The following ESYT1 variants were observed in gnomAD, a reference collection of about 807,000 sequenced individuals.
The protein encoded by ESYT1 is extended synaptotagmin 1.
In ESYT1, 116 loss-of-function variants were observed where a neutral mutation model predicts 154.2. The observed-to-expected ratio is 0.75, with a 90% CI of 0.65 to 0.88. ESYT1 has a LOEUF of 0.88. Ranked by LOEUF, ESYT1 falls within the 40% of genes least tolerant of loss-of-function variation. ESYT1 has a pLI of 0.00. For missense variants in ESYT1, 1,264 were observed against 1,379.3 expected, an observed-to-expected ratio of 0.92 and a Z score of 1.32; for synonymous variants, 500 against 539.9, an observed-to-expected ratio of 0.93 and a Z score of 1.02.
chr12:56,132,096 C>G, intron 7 of ESYT1, 113 bp from the exon 8 acceptor site: 1 of 1,528,220 alleles, frequency 6.5e-7, no homozygotes, highest in South Asian at 1.2e-5. Flanking sequence ...AGGATTTTCA[C>G]AAAAGGACTT....
At chr12:56,131,154 GT>G in intron 4 of ESYT1, 41 bp downstream of exon 4, 1 of 1,612,940 alleles carries the variant, frequency 6.2e-7, no homozygotes, top group Non-Finnish European at 8.5e-7. Context: ...CCTTCAATGT[GT>G]CCTGTTCAGT....
In ESYT1 at chr12:56,143,968, T is replaced by C; in HGVS notation, c.*106T>C. 1 of 1,596,072 alleles carries C rather than the reference T, an allele frequency of 6.3e-7. No individual in the cohort carries two copies. The highest frequency in any genetic ancestry group is 8.5e-7 in the Non-Finnish European group (1 of 1,174,820). On this transcript the variant is annotated 3_prime_UTR_variant, in exon 31 of 31. Transcript: ENST00000394048. ...AGCTAGGGTCCAAGGGCAGAGCCTG[T>C]GCCCTTCAGCCCTTTCACCTAACAG... is the stretch of plus-strand genomic sequence containing the variant.
chr12:56,138,044 C>A lies in ESYT1; in HGVS notation c.2217C>A (p.Thr739=), dbSNP rs1420045347. Residue 739 remains threonine, a synonymous_variant, in exon 20 of 31, where the codon ACC becomes ACA. Transcript: ENST00000394048. ...DFLGRCKVRL[T]TVLNSGFLDE... is the part of the protein sequence containing the mutation. ...TCAACAGGTGTAAAGTGCGTCTCAC[C>A]ACAGTCTTAAACAGTGGCTTCCTTG... 6.2e-7 allele frequency: 1 copy of A among 1,614,180 alleles called. No individual in the cohort carries two copies. The highest frequency in any genetic ancestry group is 2.2e-5 in the East Asian group (1 of 44,884).
At chr12:56,138,561 G>C (rs1401570355) in intron 22 of ESYT1, 62 bp downstream of exon 22, 19 of 1,464,226 alleles carry the variant, frequency 1.3e-5, no homozygotes, top group Non-Finnish European at 1.7e-5. Context: ...CCTCCGGTTT[G>C]GATGGTCCTG....
rs779858650 is a variant in ESYT1, at chr12:56,137,509, G to A, written c.1949G>A (p.Arg650Gln). ...CCGTCCCTTTTGCAGCATGTGCTTC[G>A]GATCCATGTATTAGAGGCCCAGGAC... ...DSQFGTEHVLRIHVLEAQDLI... is the reference protein window; with the variant it reads ...DSQFGTEHVLQIHVLEAQDLI... Residue 650 changes from arginine to glutamine, a missense_variant, in exon 18 of 31, where the codon CGG (arginine) becomes CAG (glutamine). Physicochemically the swap from Arg to Gln is conservative, Grantham distance 43 (BLOSUM62 1). Transcript: ENST00000394048. 43 of 1,612,718 alleles carry A rather than the reference G, an allele frequency of 2.7e-5. No homozygotes were observed. Among genetic ancestry groups the A allele is most frequent in the Middle Eastern group, 1.6e-4 (1 of 6,078 alleles).
chr12:56,137,017 C>A, intron 16 of ESYT1, 124 bp downstream of exon 16: 1 of 1,337,162 alleles, frequency 7.5e-7, no homozygotes, highest in Non-Finnish European at 1.0e-6. Context: ...GCCAAGCAGG[C>A]ACAAAAACAT....
chr12:56,131,931 C>A, intron 7 of ESYT1, 127 bp downstream of exon 7: 1 of 1,067,690 alleles, frequency 9.4e-7, no homozygotes, highest in Non-Finnish European at 1.4e-6. Flanking sequence ...GGAGCAAAGA[C>A]AAATACCCCT....
At chr12:56,130,483 C>A in intron 1 of ESYT1, 99 bp from the exon 2 acceptor site, 1 of 1,461,892 alleles carries the variant, frequency 6.8e-7, no homozygotes, top group Non-Finnish European at 9.6e-7. Context: ...AGGAGTCACA[C>A]ACACTCCCTC....
chr12:56,139,017 C>T lies in ESYT1; in HGVS notation c.2592+4C>T. Reference sequence around the variant, plus strand: ...CACTGAGAGCCTAGAGTTGCAGGTACTGTAAATTCATTCTTCAAATATTTA... The same window carrying T: ...CACTGAGAGCCTAGAGTTGCAGGTATTGTAAATTCATTCTTCAAATATTTA... On this transcript the variant is annotated splice_donor_region_variant and intron_variant, in intron 24 of 30. Coordinates refer to ENST00000394048, the MANE Select transcript of ESYT1 (RefSeq NM_015292.3). The T allele has an allele frequency of 6.2e-7, 1 of 1,609,058 alleles. No homozygotes were observed. The highest frequency in any genetic ancestry group is 8.5e-7 in the Non-Finnish European group (1 of 1,175,438).
chr12:56,134,023 A>G, intron 13 of ESYT1, 87 bp from the exon 14 acceptor site: 1 of 1,564,738 alleles, frequency 6.4e-7, no homozygotes, highest in Non-Finnish European at 8.8e-7. Context: ...ATCTCAGGGA[A>G]AGGATTCTGA....
At chr12:56,130,979 G>A (rs752518364) in intron 3 of ESYT1, 54 bp downstream of exon 3, 54 of 1,613,978 alleles carry the variant, frequency 3.3e-5, no homozygotes, top group South Asian at 8.8e-5. Context: ...TGAGTGGCCC[G>A]GAGTAGACTC....
intron 9 of ESYT1, 47 bp from the exon 10 acceptor site, chr12:56,132,672 C>T: frequency 6.2e-7 from 1 of 1,613,610 alleles, no homozygotes; most frequent in Non-Finnish European, 8.5e-7. Flanking sequence ...TTGGATGATC[C>T]TCACAGCTGC....
At chr12:56,131,831 T>C (rs1322780961) in intron 7 of ESYT1, 27 bp downstream of exon 7, 1 of 1,612,488 alleles carries the variant, frequency 6.2e-7, no homozygotes, top group South Asian at 1.1e-5. Context: ...GAGCACCTGC[T>C]GAGTGTTCCA....
In ESYT1 at chr12:56,142,528, G is replaced by C; in HGVS notation, c.2734-50G>C. ...GGGAACAGAGGGCCGTGTCCTTAGA[G>C]TGAGGGAACTGAGAGAACTCTGCCC... On this transcript the variant is annotated intron_variant, in intron 25 of 30. Transcript: ENST00000394048. The surrounding 1 kb of genome is among the most constrained non-coding windows in gnomAD (Gnocchi z 4.1). The C allele has an allele frequency of 6.2e-7, 1 of 1,613,468 alleles. No individual in the cohort carries two copies. Among genetic ancestry groups the C allele is most frequent in the Non-Finnish European group, 8.5e-7 (1 of 1,179,616 alleles).
intron 13 of ESYT1, 80 bp downstream of exon 13, chr12:56,133,953 C>T: frequency 6.5e-7 from 1 of 1,541,804 alleles, no homozygotes; most frequent in Non-Finnish European, 9.0e-7. Flanking sequence ...ATGTCCCTGC[C>T]TGCTTTGCTC....
chr12:56,130,559 GTC>G, intron 1 of ESYT1, 21 bp from the exon 2 acceptor site: 1 of 1,612,874 alleles, frequency 6.2e-7, no homozygotes, highest in Non-Finnish European at 8.5e-7. Flanking sequence ...GCACGTCACT[GTC>G]TCTGCCTTCC....
Position 56,132,737 on chromosome 12 carries a change from C to G in ESYT1, c.1180C>G (p.Pro394Ala), listed in dbSNP as rs779831837. Residue 394 changes from proline to alanine, a missense_variant, in exon 10 of 31, where the codon CCA becomes GCA. Transcript: ENST00000394048. ...TCCCCAGGTGATGGTACACGAGGTC[C>G]CAGGGCAGGAGATTGAAGTGGAGGT... ...ETYEVMVHEV[P>A]GQEIEVEVFD... 2.4e-5 allele frequency: 39 copies of G among 1,613,978 alleles called. No homozygotes were observed. Among genetic ancestry groups the G allele is most frequent in the Non-Finnish European group, 3.3e-5 (39 of 1,180,024 alleles).
intron 16 of ESYT1, 21 bp downstream of exon 16, chr12:56,136,914 C>T (rs1371511679): frequency 6.4e-7 from 1 of 1,565,024 alleles, no homozygotes; most frequent in South Asian, 1.2e-5. Context: ...AGAGGAGGTA[C>T]TGAGGTGTGG....
At position 56,133,621 on chromosome 12, in the gene ESYT1, C is replaced by T; in HGVS notation, c.1327C>T (p.His443Tyr). The T allele has an allele frequency of 1.9e-6, 3 of 1,614,164 alleles. No individual in the cohort carries two copies. The highest frequency in any genetic ancestry group is 2.5e-6 in the Non-Finnish European group (3 of 1,180,030). Residue 443 changes from histidine to tyrosine, a missense_variant, in exon 12 of 31, where the codon CAC becomes TAC. Physicochemically the swap from His to Tyr is moderately conservative, Grantham distance 83 (BLOSUM62 2). Coordinates refer to ENST00000394048, the MANE Select transcript of ESYT1 (RefSeq NM_015292.3). ...TCTACAAGGTGGGCAAGGCCAAGTT[C>T]ACTTGAGGCTAGAATGGCTGTCACT... Reference protein sequence around the residue: ...FPLQGGQGQVHLRLEWLSLLS... With the variant: ...FPLQGGQGQVYLRLEWLSLLS...
Sources: gnomAD v4.1 joint callset for allele counts on GRCh38, gnomAD v4.1.1 for gene constraint, Gnocchi (gnomAD v3.1) non-coding constraint, MANE v1.5 for transcripts, NCBI Gene and HGNC (gene_info 2026-07-23, HGNC 2026-07-21) for gene names.